The following LINC00632 variants were observed in gnomAD, a reference collection of about 807,000 sequenced individuals.
LINC00632 encodes long independently transcribed non-coding RNA 632.
At chrX:140,725,607 C>A (rs1202494429) in intron 2 of LINC00632, among the ~76,000 whole-genome samples, 1 of 111,905 alleles carries the variant, frequency 8.9e-6, no homozygotes, top group African/African-American at 3.2e-5. Flanking sequence ...AAACTTGACT[C>A]ACAACACACA....
chrX:140,783,233 C>T, exon 5 of LINC00632: 1 of 226,127 alleles, frequency 4.4e-6, no homozygotes, highest in Non-Finnish European at 8.0e-6. Flanking sequence ...CCAGCGACTT[C>T]AAGTCTTCCA....
Position 140,756,818 on chromosome X carries a change from T to C in LINC00632, n.192-15260T>C, listed in dbSNP as rs188382179. On this transcript the variant is annotated intron_variant and non_coding_transcript_variant, in intron 3 of 4. Coordinates refer to ENST00000648200, the Ensembl canonical transcript of LINC00632. ...AATTACTTTCCTGATTCTTGTTCCA[T>C]CATTTTCATTTAATTCTGAAAAAAA... Among the ~76,000 whole-genome samples the C allele has an allele frequency of 8.4e-4, 94 of 112,179 alleles. 1 individual carries two copies. The highest frequency in any genetic ancestry group is 2.8e-3 in the African/African-American group (87 of 30,891).
At chrX:140,722,218 T>TTGG (rs1277813670) in intron 2 of LINC00632, among the ~76,000 whole-genome samples, 1 of 110,272 alleles carries the variant, frequency 9.1e-6, no homozygotes, top group Non-Finnish European at 1.9e-5. Flanking sequence ...TAAGATAGAA[T>TTGG]TAATACCCGC....
intron 3 of LINC00632, among the ~76,000 whole-genome samples, chrX:140,736,057 G>A (rs1931138411): frequency 1.8e-5 from 2 of 111,295 alleles, no homozygotes; most frequent in Non-Finnish European, 1.9e-5. Context: ...TACGTTTTGA[G>A]GTGCATTATT....
exon 4 of LINC00632, among the ~76,000 whole-genome samples, chrX:140,773,295 C>A (rs1020980853): frequency 1.8e-5 from 2 of 111,790 alleles, no homozygotes; most frequent in African/African-American, 3.3e-5. Context: ...AAGGAGCTGC[C>A]GGAGAGTATC....
chrX:140,776,620 A>T (rs190912793), exon 5 of LINC00632, among the ~76,000 whole-genome samples: 3 of 112,051 alleles, frequency 2.7e-5, no homozygotes, highest in Admixed American at 1.9e-4. Context: ...CAGGATGGCG[A>T]TTATTAAAAA....
At chrX:140,751,110 T>C (rs1931404955) in intron 3 of LINC00632, among the ~76,000 whole-genome samples, 1 of 111,611 alleles carries the variant, frequency 9.0e-6, no homozygotes, top group South Asian at 3.7e-4. Flanking sequence ...TCTCTTTGTA[T>C]AATTGCTTAT....
exon 5 of LINC00632, among the ~76,000 whole-genome samples, chrX:140,781,574 C>T (rs1242754688): frequency 9.0e-6 from 1 of 111,488 alleles, no homozygotes; most frequent in Non-Finnish European, 1.9e-5. Flanking sequence ...CATTACAGCA[C>T]ATGATATTGT....
intron 3 of LINC00632, among the ~76,000 whole-genome samples, chrX:140,756,425 C>T (rs1199553285): frequency 1.8e-5 from 2 of 112,022 alleles, no homozygotes; most frequent in African/African-American, 6.5e-5. Flanking sequence ...GTCACCTGCA[C>T]AGCTTCATTT....
exon 5 of LINC00632, among the ~76,000 whole-genome samples, chrX:140,787,728 T>A (rs1295304665): frequency 9.0e-6 from 1 of 111,374 alleles, no homozygotes; most frequent in African/African-American, 3.3e-5. Flanking sequence ...TTTAAATTTA[T>A]ATCATGGAAG....
At chrX:140,747,245 G>A (rs781093478) in intron 3 of LINC00632, among the ~76,000 whole-genome samples, 62 of 111,269 alleles carry the variant, frequency 5.6e-4, no homozygotes, top group African/African-American at 2.0e-3. Flanking sequence ...GAATTACATC[G>A]GGCTGGGCAC....
chrX:140,789,575 G>C (rs1334902323), exon 5 of LINC00632, among the ~76,000 whole-genome samples: 1 of 111,795 alleles, frequency 8.9e-6, no homozygotes, highest in Non-Finnish European at 1.9e-5. Context: ...TAAAATTTCT[G>C]GATCAACATG....
At chrX:140,710,407 G>A (rs1387307056) in intron 1 of LINC00632, among the ~76,000 whole-genome samples, 2 of 110,989 alleles carry the variant, frequency 1.8e-5, no homozygotes, top group African/African-American at 6.6e-5. Context: ...TTGACTTTAG[G>A]ATGAAAAAAT....
At chrX:140,716,991 A>AT (rs371108110) in intron 2 of LINC00632, among the ~76,000 whole-genome samples, 1,475 of 104,536 alleles carry the variant, frequency 0.014, 24 homozygotes, top group African/African-American at 0.045. Flanking sequence ...ATTCCACAAC[A>AT]TTTTTTTTTT....
At chrX:140,751,010 T>C (rs1931403402) in intron 3 of LINC00632, among the ~76,000 whole-genome samples, 1 of 112,243 alleles carries the variant, frequency 8.9e-6, no homozygotes, top group African/African-American at 3.2e-5. Context: ...ATGTTCTTTA[T>C]GCATTCATTG....
chrX:140,759,293 CTT>C (rs1931553784), intron 3 of LINC00632, among the ~76,000 whole-genome samples: 1 of 28,438 alleles, frequency 3.5e-5, no homozygotes, highest in African/African-American at 1.3e-4. Context: ...TCTTTCTTTC[CTT>C]CCTTCCTTCC....
At chrX:140,736,152 A>C (rs953338012) in intron 3 of LINC00632, among the ~76,000 whole-genome samples, 1 of 111,337 alleles carries the variant, frequency 9.0e-6, no homozygotes, top group Non-Finnish European at 1.9e-5. Context: ...TGAGGCTTTT[A>C]TCCACTTCAA....
intron 3 of LINC00632, among the ~76,000 whole-genome samples, chrX:140,761,801 T>A (rs1169310113): frequency 8.9e-6 from 1 of 112,560 alleles, no homozygotes; most frequent in African/African-American, 3.2e-5. Context: ...GGGGATGTTT[T>A]GGATGGGTCC....
intron 3 of LINC00632, among the ~76,000 whole-genome samples, chrX:140,749,566 A>T (rs1931379445): frequency 9.0e-6 from 1 of 111,660 alleles, no homozygotes; most frequent in Admixed American, 9.6e-5. Context: ...TAGAGTCTCT[A>T]CAAATTATAA....
Sources: gnomAD v4.1 joint callset for allele counts (sites outside exome capture counted in the v4.1 genomes callset) on GRCh38, gnomAD v4.1.1 for gene constraint, MANE v1.5 for transcripts, NCBI Gene and HGNC (gene_info 2026-07-23, HGNC 2026-07-21) for gene names.